The following PTGS1 variants were observed in gnomAD, a reference collection of about 807,000 sequenced individuals.
The protein encoded by PTGS1 is prostaglandin-endoperoxide synthase 1, also known as prostaglandin G/H synthase 1.
PTGS1 carries 40 observed loss-of-function variants against 63.0 expected under a neutral mutation model. The observed-to-expected ratio is 0.63, with a 90% confidence interval of 0.49 to 0.83. The LOEUF (loss-of-function observed/expected upper bound fraction) is 0.83, where lower values mean the gene tolerates loss of function less well. Ranked by LOEUF, PTGS1 falls within the 40% of genes least tolerant of loss-of-function variation. The pLI is 0.00. For missense variants in PTGS1, 709 were observed against 786.5 expected (o/e 0.90, Z 1.18); for synonymous variants, 298 against 301.9 (o/e 0.99, Z 0.13).
chr9:122,383,046 T>C (rs1281892501), intron 7 of PTGS1, among the ~76,000 whole-genome samples: 2 of 152,070 alleles, frequency 1.3e-5, no homozygotes, highest in African/African-American at 4.8e-5. Context: ...CTGAGCCTAG[T>C]GATGGAGCGT....
chr9:122,383,573 G>A lies in PTGS1; in HGVS notation c.827G>A (p.Arg276Gln), dbSNP rs200024359. 43 of 1,614,126 alleles carry A rather than the reference G, an allele frequency of 2.7e-5. No individual in the cohort carries two copies. Among genetic ancestry groups the A allele is most frequent in the South Asian group, 8.8e-5 (8 of 91,080 alleles). ...EEAPVLMHYP[R>Q]GIPPQSQMAV... ...GCGCCTGTGTTGATGCACTACCCCC[G>A]AGGCATCCCGCCCCAGAGCCAGATG... Residue 276 changes from arginine (R) to glutamine (Q), a missense_variant, in exon 8 of 11, where the codon CGA becomes CAA. Coordinates refer to ENST00000362012, the MANE Select transcript of PTGS1 (RefSeq NM_000962.4).
chr9:122,377,579 T>G (rs1482038942), intron 2 of PTGS1, among the ~76,000 whole-genome samples: 2 of 152,034 alleles, frequency 1.3e-5, no homozygotes, highest in East Asian at 1.9e-4. Context: ...TTCTTAACTT[T>G]CAGTGTCACA....
intron 5 of PTGS1, among the ~76,000 whole-genome samples, chr9:122,380,382 T>C (rs138216313): frequency 3.5e-4 from 53 of 152,118 alleles, no homozygotes; most frequent in African/African-American, 1.2e-3. Flanking sequence ...GGTGGATCAA[T>C]TGAGCCCAGG....
At chr9:122,375,219 G>T (rs908647339) in intron 2 of PTGS1, 9 of 866,244 alleles carry the variant, frequency 1.0e-5, no homozygotes, top group Non-Finnish European at 1.2e-5. Context: ...GAGGCGGGAG[G>T]GGGGAAGCTG....
At chr9:122,378,342 T>C in intron 3 of PTGS1, 91 bp from the exon 4 acceptor site, 1 of 1,561,826 alleles carries the variant, frequency 6.4e-7, no homozygotes, top group South Asian at 1.1e-5. Context: ...TGTTCCACCC[T>C]GGCCCTTGTC....
intron 8 of PTGS1, among the ~76,000 whole-genome samples, chr9:122,384,422 T>C (rs10306156): frequency 0.061 from 9,270 of 152,104 alleles, 886 homozygotes; most frequent in African/African-American, 0.21. Flanking sequence ...CCTAATTCAC[T>C]GGAGCCATGA....
At position 122,395,230 on chromosome 9, in the gene PTGS1, C is replaced by T. The variant is rs1194642192; in HGVS notation, c.*2686C>T. On this transcript the variant is annotated 3_prime_UTR_variant, in exon 11 of 11. Coordinates refer to ENST00000362012, the MANE Select transcript of PTGS1 (RefSeq NM_000962.4). ...GGTAGACTTTGCTTAGTATTGACAA[C>T]TGCACATGAAAGTTTTGCAAAGGGA... The T allele has an allele frequency of 6.6e-6, 1 of 152,208 alleles. No individual in the cohort carries two copies. Among genetic ancestry groups the T allele is most frequent in the Admixed American group, 6.5e-5 (1 of 15,280 alleles). 9.4% of individuals were successfully genotyped at this position (152,208 alleles called of 1,614,324 possible). A position where few individuals can be genotyped will look rare whatever the true frequency, so the allele number is the denominator to read the frequency against.
chr9:122,386,420 C>G, intron 8 of PTGS1, 26 bp from the exon 9 acceptor site: 1 of 1,610,554 alleles, frequency 6.2e-7, no homozygotes, highest in Non-Finnish European at 8.5e-7. Context: ...CTTGGCTGAC[C>G]CTATTTCCAA....
rs919971640 is a variant in PTGS1 at position 122,394,286 on chromosome 9, A to T, written c.*1742A>T. The T allele has an allele frequency of 2.6e-5, 4 of 152,246 alleles. No individual in the cohort carries two copies. The highest frequency in any genetic ancestry group is 9.6e-5 in the African/African-American group (4 of 41,454). 9.4% of individuals were successfully genotyped at this position (152,246 alleles called of 1,614,324 possible). On this transcript the variant is annotated 3_prime_UTR_variant, in exon 11 of 11. Coordinates refer to ENST00000362012, the MANE Select transcript of PTGS1 (RefSeq NM_000962.4). ...TCATGATCCACACTTTGGGCTTAGT[A>T]TTTCTCAGGAAGAGCTATGGCCCAG...
intron 10 of PTGS1, 129 bp downstream of exon 10, chr9:122,390,474 G>A: frequency 3.6e-6 from 4 of 1,119,084 alleles, no homozygotes; most frequent in Non-Finnish European, 5.0e-6. Flanking sequence ...TAATGGGCGT[G>A]GAAGTGCTGT....
intron 9 of PTGS1, among the ~76,000 whole-genome samples, 159 bp from the exon 10 acceptor site, chr9:122,390,039 C>T (rs553215420): frequency 6.6e-6 from 1 of 152,228 alleles, no homozygotes; most frequent in South Asian, 2.1e-4. Flanking sequence ...GCAGCAGGCC[C>T]GGGGCAGGTC....
Position 122,371,044 on chromosome 9 carries a change from A to T in PTGS1, c.-41A>T, listed in dbSNP as rs1328701749. 5 of 1,575,504 alleles carry T rather than the reference A, an allele frequency of 3.2e-6. No individual in the cohort carries two copies. The highest frequency in any genetic ancestry group is 4.3e-6 in the Non-Finnish European group (5 of 1,168,562). ...CGGGCAGTGTGCGAGGCGCACGCAC[A>T]GGAGCCTGCACTCTGCGTCCCGCAC... On this transcript the variant is annotated 5_prime_UTR_variant, in exon 1 of 11. Transcript: ENST00000362012.
intron 8 of PTGS1, among the ~76,000 whole-genome samples, chr9:122,385,261 C>T (rs1013703039): frequency 2.6e-5 from 4 of 152,088 alleles, no homozygotes; most frequent in Admixed American, 6.6e-5. Context: ...CCTGGCCGCA[C>T]TGATATTATT....
At chr9:122,375,308 G>A in intron 2 of PTGS1, 1 of 985,508 alleles carries the variant, frequency 1.0e-6, no homozygotes, top group African/African-American at 1.7e-5. Flanking sequence ...AGCCGTTCCA[G>A]CTTCAGCGTC....
intron 5 of PTGS1, 134 bp from the exon 6 acceptor site, chr9:122,381,237 G>T (rs1015601202): frequency 2.6e-6 from 2 of 777,084 alleles, no homozygotes; most frequent in Admixed American, 2.9e-5. Context: ...TTACTTGGTG[G>T]TGGTGGGGAG....
At chr9:122,377,847 G>A (rs1246913153) in intron 2 of PTGS1, 52 bp from the exon 3 acceptor site, 35 of 1,498,196 alleles carry the variant, frequency 2.3e-5, no homozygotes, top group Non-Finnish European at 3.1e-5. Context: ...GGCTAGATGG[G>A]GGTCAGGAGG....
chr9:122,389,148 C>CTTTT (rs11313763), intron 9 of PTGS1, among the ~76,000 whole-genome samples: 1 of 81,522 alleles, frequency 1.2e-5, no homozygotes, highest in African/African-American at 4.0e-5. Context: ...CTTTTCTTTC[C>CTTTT]TTTTTTTTTT....
At chr9:122,381,871 G>GT (rs1837551524) in intron 7 of PTGS1, 124 bp downstream of exon 7, 7 of 988,406 alleles carry the variant, frequency 7.1e-6, no homozygotes, top group African/African-American at 6.5e-5. Context: ...TGGGAAGCTT[G>GT]TGCCAGGAGC....
At chr9:122,390,861 C>G (rs1838178766) in intron 10 of PTGS1, among the ~76,000 whole-genome samples, 1 of 152,034 alleles carries the variant, frequency 6.6e-6, no homozygotes, top group Non-Finnish European at 1.5e-5. Flanking sequence ...TGCGCCACTG[C>G]ACTCCAGCCT....
Sources: gnomAD v4.1 joint callset for allele counts (sites outside exome capture counted in the v4.1 genomes callset) on GRCh38, gnomAD v4.1.1 for gene constraint, MANE v1.5 for transcripts, NCBI Gene and HGNC (gene_info 2026-07-23, HGNC 2026-07-21) for gene names.